Variants in ERLEC1 observed in about 807,000 individuals in gnomAD.
ERLEC1 encodes the protein ER lectin.
A neutral mutation model predicts 68.0 loss-of-function variants in ERLEC1; 47 were observed. The observed-to-expected ratio is 0.69, with a 90% CI of 0.55 to 0.88. The LOEUF (loss-of-function observed/expected upper bound fraction) is 0.88. Among genes scored for constraint, ERLEC1 ranks in the 40% least tolerant of loss-of-function variants. ERLEC1 has a pLI of 0.00. For synonymous variants in ERLEC1, 225 were observed against 203.2 expected (o/e 1.11, Z -0.91); for missense variants, 567 against 583.8 (o/e 0.97, Z 0.30).
rs1035673497 is a variant in ERLEC1 at position 53,814,922 on chromosome 2, A to G, written c.1367A>G (p.Gln456Arg). The change falls in exon 13 of 14, where the codon CAA becomes CGA. Residue 456 changes from glutamine to arginine, a missense_variant. Transcript: ENST00000185150. ...TVYMLEPHSCQYILGVESPVI... is the reference protein window; with the variant it reads ...TVYMLEPHSCRYILGVESPVI... ...TATATGCTAGAGCCTCACTCCTGTC[A>G]ATATATTCTTGGGGTAAGTTAAAAA... 6.3e-6 allele frequency: 10 copies of G among 1,591,474 alleles called. 1 individual carries two copies. The highest frequency in any genetic ancestry group is 3.4e-5 in the Admixed American group (2 of 59,256).
At chr2:53,806,698 A>G (rs1378492876) in intron 8 of ERLEC1, among the ~76,000 whole-genome samples, 2 of 152,206 alleles carry the variant, frequency 1.3e-5, no homozygotes, top group Admixed American at 6.5e-5. Flanking sequence ...AAGTAGAAGC[A>G]AAAGAACCAT....
At chr2:53,816,255 GT>G (rs1344262233) in intron 13 of ERLEC1, among the ~76,000 whole-genome samples, 3 of 142,858 alleles carry the variant, frequency 2.1e-5, no homozygotes, top group South Asian at 2.3e-4. Flanking sequence ...TGATTTTTGG[GT>G]TTTGGTTGGT....
chr2:53,816,788 G>A (rs1466151941), intron 13 of ERLEC1, among the ~76,000 whole-genome samples: 1 of 151,880 alleles, frequency 6.6e-6, no homozygotes, highest in African/African-American at 2.4e-5. Flanking sequence ...TATTTATCTT[G>A]CTTGGAGTTC....
At chr2:53,809,841 A>C (rs1676494785) in intron 10 of ERLEC1, among the ~76,000 whole-genome samples, 1 of 152,154 alleles carries the variant, frequency 6.6e-6, no homozygotes, top group Non-Finnish European at 1.5e-5. Flanking sequence ...GGATCACCTG[A>C]GGTCAGGAGT....
intron 12 of ERLEC1, 101 bp from the exon 13 acceptor site, chr2:53,814,759 C>A: frequency 1.0e-6 from 1 of 1,003,412 alleles, no homozygotes; most frequent in Non-Finnish European, 1.5e-6. Context: ...TATATTAAAT[C>A]ATACAGGGTC....
intron 1 of ERLEC1, among the ~76,000 whole-genome samples, chr2:53,789,879 C>T (rs1433904709): frequency 6.6e-6 from 1 of 151,684 alleles, no homozygotes; most frequent in African/African-American, 2.4e-5. Flanking sequence ...ATTAGCCGGG[C>T]ATGGTGGCAC....
In ERLEC1 at chr2:53,810,751, C is replaced by T. The variant is rs189471727; in HGVS notation, c.1101+1478C>T. On this transcript the variant is annotated intron_variant, in intron 10 of 13. Coordinates refer to ENST00000185150, the MANE Select transcript of ERLEC1 (RefSeq NM_015701.5). ...AGGCATCCATAGACTAGGATGTGTTCGGTTTTTTTGTTTTGTTTTGTTTTG... is the reference window on the plus strand; with the variant it reads ...AGGCATCCATAGACTAGGATGTGTTTGGTTTTTTTGTTTTGTTTTGTTTTG... Among the ~76,000 whole-genome samples the T allele has an allele frequency of 5.9e-4, 90 of 152,162 alleles. 2 individuals are homozygous for T. The highest frequency in any genetic ancestry group is 2.0e-3 in the African/African-American group (81 of 41,536).
At chr2:53,796,463 T>C (rs1675707747) in intron 3 of ERLEC1, among the ~76,000 whole-genome samples, 1 of 152,056 alleles carries the variant, frequency 6.6e-6, no homozygotes, top group Non-Finnish European at 1.5e-5. Context: ...TTTCTTTCTT[T>C]GCTTTTTTCT....
chr2:53,808,342 A>G lies in ERLEC1; in HGVS notation c.923A>G (p.His308Arg). Reference sequence around the variant, plus strand: ...AAAGAAGAGAGATTTCCAGCGATCCACAAGTCGATTGCTATTGGCTCTCAG... The same window carrying G: ...AAAGAAGAGAGATTTCCAGCGATCCGCAAGTCGATTGCTATTGGCTCTCAG... Reference protein sequence around the residue: ...STKEERFPAIHKSIAIGSQPV... With the variant: ...STKEERFPAIRKSIAIGSQPV... The change falls in exon 9 of 14, where the codon CAC becomes CGC. Residue 308 changes from histidine (H) to arginine (R), a missense_variant. His to Arg is a conservative substitution (Grantham distance 29). Transcript: ENST00000185150. 6.2e-7 allele frequency: 1 copy of G among 1,614,210 alleles called. No individual in the cohort carries two copies. The highest frequency in any genetic ancestry group is 8.5e-7 in the Non-Finnish European group (1 of 1,180,038).
intron 10 of ERLEC1, 93 bp downstream of exon 10, chr2:53,809,366 A>C: frequency 1.1e-6 from 1 of 892,316 alleles, no homozygotes; most frequent in East Asian, 2.9e-5. Context: ...TATAACTTTT[A>C]ATTATGAGAT....
rs757341986 is a variant in ERLEC1, at chr2:53,787,332, T to A, written c.122T>A (p.Ile41Asn). 8 of 1,611,838 alleles carry A rather than the reference T, an allele frequency of 5.0e-6. No individual in the cohort carries two copies. In the East Asian group the frequency reaches 1.6e-4, roughly 31 times the overall value. ...GCCCTTCCTCAACTCAGCGATGACA[T>A]CCCTTTCCGAGTCAACTGGCCCGGC... ...GRALPQLSDD[I>N]PFRVNWPGTE... Residue 41 changes from isoleucine (I) to asparagine (N), a missense_variant, in exon 1 of 14, where the codon ATC becomes AAC. By Grantham distance (149) the Ile-to-Asn change is moderately radical (BLOSUM62 -3). Coordinates refer to ENST00000185150, the MANE Select transcript of ERLEC1 (RefSeq NM_015701.5).
chr2:53,805,389 A>AT (rs968642215), intron 8 of ERLEC1, among the ~76,000 whole-genome samples: 2 of 150,958 alleles, frequency 1.3e-5, no homozygotes, highest in Non-Finnish European at 3.0e-5. Flanking sequence ...TTTTTAATTA[A>AT]TTTTTTTTAG....
chr2:53,808,759 T>C lies in ERLEC1; in HGVS notation c.1041+299T>C, dbSNP rs1573097205. Among the ~76,000 whole-genome samples, 3 of 152,362 alleles carry C rather than the reference T, an allele frequency of 2.0e-5. No individual in the cohort carries two copies. The East Asian group carries it at 5.8e-4, about 29-fold the overall frequency. Reference sequence around the variant, plus strand: ...GATTGTATATCCCACATTTTGGTTATGTAGCAATCACATTTCAAACTGGAA... The same window carrying C: ...GATTGTATATCCCACATTTTGGTTACGTAGCAATCACATTTCAAACTGGAA... On this transcript the variant is annotated intron_variant, in intron 9 of 13. Coordinates refer to ENST00000185150, the MANE Select transcript of ERLEC1 (RefSeq NM_015701.5).
chr2:53,815,989 TTTTC>T (rs1016380816), intron 13 of ERLEC1, among the ~76,000 whole-genome samples: 2 of 152,050 alleles, frequency 1.3e-5, no homozygotes, highest in Admixed American at 6.6e-5. Flanking sequence ...GCCTATTCAT[TTTTC>T]TTTCTTTCTT....
At chr2:53,814,957 C>G (rs748438263) in intron 13 of ERLEC1, 22 bp downstream of exon 13, 32 of 1,003,286 alleles carry the variant, frequency 3.2e-5, no homozygotes, top group Non-Finnish European at 4.3e-5. Context: ...AGAAAATAAT[C>G]AAAAATTCCA....
rs111460966 is a variant in ERLEC1 at position 53,804,525 on chromosome 2, C to T, written c.879+2683C>T. ...TCCTGGCCTCAAGTGATCTGCTTAC[C>T]TCGGCCTTCCACAGTGCTGGGATTA... On this transcript the variant is annotated intron_variant, in intron 8 of 13. Coordinates refer to ENST00000185150, the MANE Select transcript of ERLEC1 (RefSeq NM_015701.5). Among the ~76,000 whole-genome samples, 11 of 152,282 alleles carry T rather than the reference C, an allele frequency of 7.2e-5. 1 individual carries two copies. Among genetic ancestry groups the T allele is most frequent in the African/African-American group, 2.4e-4 (10 of 41,556 alleles).
At chr2:53,806,147 T>C (rs1676284964) in intron 8 of ERLEC1, among the ~76,000 whole-genome samples, 1 of 152,238 alleles carries the variant, frequency 6.6e-6, no homozygotes, top group Admixed American at 6.5e-5. Context: ...AATCTGGCTA[T>C]CAGAGTTTTG....
intron 8 of ERLEC1, among the ~76,000 whole-genome samples, chr2:53,803,748 C>G (rs551795511): frequency 1.5e-4 from 23 of 152,256 alleles, no homozygotes; most frequent in Admixed American, 8.5e-4. Context: ...GAGACCCTAT[C>G]TCAAAATTAA....
At chr2:53,817,625 A>G (rs1414169746) in intron 13 of ERLEC1, among the ~76,000 whole-genome samples, 2 of 152,108 alleles carry the variant, frequency 1.3e-5, no homozygotes, top group African/African-American at 2.4e-5. Flanking sequence ...TTTTTGTTGT[A>G]TAAGAGCTAT....
Sources: allele counts gnomAD v4.1 joint callset (sites outside exome capture counted in the v4.1 genomes callset), GRCh38; gene constraint gnomAD v4.1.1; transcripts MANE v1.5; gene names NCBI Gene and HGNC (gene_info 2026-07-23, HGNC 2026-07-21).